The following PAK1 variants were observed in gnomAD, a reference collection of about 807,000 sequenced individuals.
The protein encoded by PAK1 is p21 (RAC1) activated kinase 1.
In PAK1, 29 loss-of-function variants were observed where a neutral mutation model predicts 67.4. The ratio of observed to expected loss-of-function variants is 0.43; its 90% CI spans 0.32 to 0.59. PAK1 has a LOEUF of 0.59. Among genes scored for constraint, PAK1 ranks in the 20% least tolerant of loss-of-function variants. The probability of loss-of-function intolerance (pLI) is 0.07; values close to 1 mark genes in which losing one functional copy is unlikely to be tolerated. For missense variants in PAK1, 337 were observed against 670.7 expected (o/e 0.50, Z 5.50); for synonymous variants, 223 against 237.4 (o/e 0.94, Z 0.56).
chr11:77,493,275 GT>G, the PAK1 span, among the ~76,000 whole-genome samples: 37 of 128,018 alleles, frequency 2.9e-4, no homozygotes, highest in Admixed American at 4.9e-4. Context: ...TTTTTTTGTT[GT>G]TTTTTTTTTT....
intron 1 of PAK1, among the ~76,000 whole-genome samples, chr11:77,429,055 C>G (rs1231354157): frequency 1.5e-4 from 3 of 20,034 alleles, no homozygotes; most frequent in South Asian, 3.2e-3. Flanking sequence ...CCATTTAATA[C>G]TAAAAAAAAA....
At chr11:77,355,010 T>A (rs1189000227) in intron 7 of PAK1, among the ~76,000 whole-genome samples, 3 of 152,160 alleles carry the variant, frequency 2.0e-5, no homozygotes, top group African/African-American at 7.2e-5. Flanking sequence ...AGAGGCAGTA[T>A]GCTCTACTTA....
chr11:77,351,696 C>T (rs530351620), intron 8 of PAK1, among the ~76,000 whole-genome samples: 1 of 151,736 alleles, frequency 6.6e-6, no homozygotes, highest in Non-Finnish European at 1.5e-5. Context: ...ATAAACAGAA[C>T]CTCCCTATAT....
chr11:77,501,651 T>G, the PAK1 span, among the ~76,000 whole-genome samples: 54 of 152,316 alleles, frequency 3.5e-4, no homozygotes, highest in African/African-American at 1.2e-3. Flanking sequence ...GAAAGACTCT[T>G]GCCCCCAGGG....
At chr11:77,365,699 G>A (rs1947461970) in intron 5 of PAK1, among the ~76,000 whole-genome samples, 1 of 152,142 alleles carries the variant, frequency 6.6e-6, no homozygotes, top group African/African-American at 2.4e-5. Context: ...TGGCTGTGGT[G>A]GCATGCACCT....
At chr11:77,328,933 C>A (rs1451984843) in intron 14 of PAK1, among the ~76,000 whole-genome samples, 3 of 151,946 alleles carry the variant, frequency 2.0e-5, no homozygotes, top group Non-Finnish European at 4.4e-5. Flanking sequence ...TAGACGCAAT[C>A]AAAAATGATA....
chr11:77,493,755 A>G, the PAK1 span, among the ~76,000 whole-genome samples: 1 of 151,854 alleles, frequency 6.6e-6, no homozygotes, highest in African/African-American at 2.4e-5. Context: ...AATAGGTATT[A>G]CTCTCTCCTT....
At chr11:77,462,947 C>T (rs1957422736) in intron 1 of PAK1, among the ~76,000 whole-genome samples, 1 of 107,214 alleles carries the variant, frequency 9.3e-6, no homozygotes, top group African/African-American at 3.8e-5. Flanking sequence ...ATAGGTTAGG[C>T]ACTGGGGGAT....
chr11:77,509,156 G>A, the PAK1 span, among the ~76,000 whole-genome samples: 1 of 151,678 alleles, frequency 6.6e-6, no homozygotes, highest in Non-Finnish European at 1.5e-5. Context: ...TACTCGGGAG[G>A]CTGAGGCAGG....
At chr11:77,480,912 T>C in the PAK1 span, among the ~76,000 whole-genome samples, 1,771 of 152,374 alleles carry the variant, frequency 0.012, 13 homozygotes, top group Middle Eastern at 0.037. Flanking sequence ...CATTTGTTTG[T>C]TGCTGTGTGC....
the PAK1 span, among the ~76,000 whole-genome samples, chr11:77,509,783 C>T: frequency 1.3e-5 from 2 of 152,180 alleles, no homozygotes; most frequent in Non-Finnish European, 2.9e-5. Flanking sequence ...TGTGAAGTGC[C>T]TACTTCTGCT....
chr11:77,322,490 AT>A lies in PAK1; in HGVS notation c.*783del. ...CAGCCTTGCTCTAAAAGTAGTCACC[AT>A]TTTCCCCGACTTCTCAACACTGCTC... On this transcript the variant is annotated 3_prime_UTR_variant, in exon 15 of 15. Coordinates refer to ENST00000356341, the MANE Select transcript of PAK1 (RefSeq NM_002576.5). The A allele has an allele frequency of 2.1e-5, 4 of 192,986 alleles. No homozygotes were observed. The highest frequency in any genetic ancestry group is 1.6e-4 in the East Asian group (2 of 12,154). 12.0% of individuals were successfully genotyped at this position (192,986 alleles called of 1,614,324 possible).
the PAK1 span, among the ~76,000 whole-genome samples, chr11:77,480,128 G>T: frequency 6.6e-6 from 1 of 152,022 alleles, no homozygotes; most frequent in South Asian, 2.1e-4. Flanking sequence ...TCTTTTCACT[G>T]CTGTTTCTTG....
chr11:77,390,927 C>T (rs906876164), intron 2 of PAK1, among the ~76,000 whole-genome samples: 4 of 152,120 alleles, frequency 2.6e-5, no homozygotes, highest in Non-Finnish European at 2.9e-5. Context: ...TTCACTTGTA[C>T]GACATTTACA....
chr11:77,370,021 A>G (rs1374942313), intron 5 of PAK1, among the ~76,000 whole-genome samples: 1 of 152,254 alleles, frequency 6.6e-6, no homozygotes, highest in East Asian at 1.9e-4. Flanking sequence ...AGTGTATGTA[A>G]TTAGCATTAG....
At chr11:77,370,795 T>G (rs967586286) in intron 5 of PAK1, among the ~76,000 whole-genome samples, 1 of 152,238 alleles carries the variant, frequency 6.6e-6, no homozygotes, top group Non-Finnish European at 1.5e-5. Context: ...TTTACTATCT[T>G]GATCCAATTT....
chr11:77,485,847 G>T, the PAK1 span, among the ~76,000 whole-genome samples: 7 of 152,186 alleles, frequency 4.6e-5, no homozygotes, highest in Non-Finnish European at 1.0e-4. Context: ...TGATTCTTCG[G>T]TTGCAACTAT....
intron 5 of PAK1, among the ~76,000 whole-genome samples, chr11:77,361,093 TA>T (rs1278469650): frequency 4.6e-5 from 7 of 152,046 alleles, no homozygotes; most frequent in African/African-American, 9.7e-5. Flanking sequence ...ATAAAACAGA[TA>T]AAGTCCCTGG....
the PAK1 span, among the ~76,000 whole-genome samples, chr11:77,490,297 C>CCCT: frequency 2.0e-5 from 3 of 148,296 alleles, no homozygotes; most frequent in East Asian, 4.0e-4. Flanking sequence ...TCAGCCCCCC[C>CCCT]ACCCGGCCAG....
Sources: allele counts gnomAD v4.1 joint callset (sites outside exome capture counted in the v4.1 genomes callset), GRCh38; gene constraint gnomAD v4.1.1; transcripts MANE v1.5; gene names NCBI Gene and HGNC (gene_info 2026-07-23, HGNC 2026-07-21).